The following AOPEP variants were observed in gnomAD, a reference collection of about 807,000 sequenced individuals.
AOPEP encodes the protein aminopeptidase O (putative).
A neutral mutation model predicts 98.1 loss-of-function variants in AOPEP; 77 were observed. The ratio of observed to expected loss-of-function variants is 0.78; its 90% confidence interval spans 0.65 to 0.95. The LOEUF is 0.95. AOPEP is among the 40% of genes least tolerant of loss of function. The pLI is 0.00. For missense variants in AOPEP, 1,024 were observed against 1,024.7 expected (o/e 1.00, Z 0.01); for synonymous variants, 346 against 365.3 (o/e 0.95, Z 0.60).
chr9:94,878,698 C>T (rs2047246330), intron 5 of AOPEP, among the ~76,000 whole-genome samples: 1 of 152,098 alleles, frequency 6.6e-6, no homozygotes, highest in Admixed American at 6.6e-5. Context: ...GATCTGATTG[C>T]CATTTAATGC....
chr9:94,935,313 C>T (rs1035822595), intron 7 of AOPEP: 1 of 152,314 alleles, frequency 6.6e-6, no homozygotes, highest in African/African-American at 2.4e-5. Flanking sequence ...CCTGTACAAC[C>T]TGCAGAACCG....
chr9:95,019,904 C>T (rs920353810), intron 13 of AOPEP: 1 of 152,160 alleles, frequency 6.6e-6, no homozygotes, highest in Non-Finnish European at 1.5e-5. Flanking sequence ...GTTATGAAAG[C>T]TACTAGAGGT....
intron 11 of AOPEP, among the ~76,000 whole-genome samples, chr9:94,983,395 T>TA (rs1297352705): frequency 6.6e-6 from 1 of 152,178 alleles, no homozygotes; most frequent in Non-Finnish European, 1.5e-5. Context: ...TGTACACACT[T>TA]ACCAAATGTC....
At chr9:94,826,770 A>AT (rs1423711010) in intron 5 of AOPEP, among the ~76,000 whole-genome samples, 8 of 152,038 alleles carry the variant, frequency 5.3e-5, no homozygotes, top group African/African-American at 1.9e-4. Context: ...GATGGAGCTG[A>AT]TGATATTAGT....
At chr9:94,925,957 T>G (rs1352678969) in intron 6 of AOPEP, among the ~76,000 whole-genome samples, 1 of 152,246 alleles carries the variant, frequency 6.6e-6, no homozygotes, top group Non-Finnish European at 1.5e-5. Context: ...AAGAAATACC[T>G]GTTCCCTTCC....
chr9:94,727,090 C>G (rs1263849886), intron 1 of AOPEP, among the ~76,000 whole-genome samples: 3 of 152,230 alleles, frequency 2.0e-5, no homozygotes, highest in Non-Finnish European at 2.9e-5. Flanking sequence ...ACCTGCCGGT[C>G]TCGGCTTCTA....
intron 13 of AOPEP, among the ~76,000 whole-genome samples, chr9:95,027,365 T>C (rs1205085903): frequency 6.6e-6 from 1 of 152,258 alleles, no homozygotes; most frequent in Non-Finnish European, 1.5e-5. Context: ...CAGTCATGCA[T>C]GCAACAGTTA....
At chr9:94,948,635 C>T (rs982450279) in intron 7 of AOPEP, among the ~76,000 whole-genome samples, 7 of 152,146 alleles carry the variant, frequency 4.6e-5, no homozygotes, top group African/African-American at 1.7e-4. Context: ...AGAGCTATAG[C>T]CTGTCCCTCA....
chr9:94,801,936 T>C (rs1379819334), intron 5 of AOPEP, among the ~76,000 whole-genome samples: 1 of 152,184 alleles, frequency 6.6e-6, no homozygotes, highest in African/African-American at 2.4e-5. Context: ...AGTAAAACCA[T>C]GAGCAGAAAA....
the AOPEP span, among the ~76,000 whole-genome samples, chr9:95,098,684 C>G: frequency 6.6e-6 from 1 of 152,172 alleles, no homozygotes; most frequent in Admixed American, 6.5e-5. Flanking sequence ...AGCAACGGAG[C>G]GAGCAAGAGT....
intron 3 of AOPEP, among the ~76,000 whole-genome samples, chr9:94,777,419 G>A (rs1291448708): frequency 2.9e-4 from 42 of 147,292 alleles, no homozygotes; most frequent in Admixed American, 1.0e-3. Flanking sequence ...GCGACAGAGC[G>A]AGACTCCATC....
intron 5 of AOPEP, among the ~76,000 whole-genome samples, chr9:94,808,921 AT>A (rs1223596147): frequency 6.6e-6 from 1 of 152,190 alleles, no homozygotes; most frequent in Non-Finnish European, 1.5e-5. Flanking sequence ...GGACCTAAGG[AT>A]GGTGCTTTTC....
At chr9:94,856,758 C>T (rs774693470) in intron 5 of AOPEP, among the ~76,000 whole-genome samples, 1 of 151,782 alleles carries the variant, frequency 6.6e-6, no homozygotes, top group Non-Finnish European at 1.5e-5. Context: ...AGGATAGATT[C>T]ATAGTGCTTA....
At chr9:95,011,118 G>A (rs573146792) in intron 13 of AOPEP, among the ~76,000 whole-genome samples, 35 of 151,890 alleles carry the variant, frequency 2.3e-4, no homozygotes, top group African/African-American at 8.2e-4. Flanking sequence ...ATTTTTGGTA[G>A]CCTCAGGAAG....
At chr9:95,075,484 A>G (rs991411748) in intron 14 of AOPEP, among the ~76,000 whole-genome samples, 2 of 152,198 alleles carry the variant, frequency 1.3e-5, no homozygotes, top group Non-Finnish European at 2.9e-5. Context: ...TTTTCCTAGT[A>G]CTCAAAAACA....
intron 11 of AOPEP, among the ~76,000 whole-genome samples, chr9:94,981,131 C>G (rs374012159): frequency 6.6e-6 from 1 of 152,216 alleles, no homozygotes; most frequent in Non-Finnish European, 1.5e-5. Context: ...GCGCACTCCA[C>G]TTAGGCTGTG....
At chr9:95,050,445 A>G (rs930514748) in intron 13 of AOPEP, among the ~76,000 whole-genome samples, 1 of 152,218 alleles carries the variant, frequency 6.6e-6, no homozygotes, top group African/African-American at 2.4e-5. Context: ...ACGAGAATCC[A>G]AAACTGCAGA....
intron 14 of AOPEP, among the ~76,000 whole-genome samples, chr9:95,061,243 A>T (rs1276357323): frequency 1.3e-5 from 2 of 152,248 alleles, no homozygotes; most frequent in African/African-American, 4.8e-5. Flanking sequence ...CTGTAGTTGG[A>T]AAAGGCAATT....
intron 5 of AOPEP, among the ~76,000 whole-genome samples, chr9:94,855,464 G>A (rs1029884491): frequency 3.3e-5 from 5 of 152,100 alleles, no homozygotes; most frequent in Non-Finnish European, 7.4e-5. Context: ...TGAGGCGGGC[G>A]GATCACCTGA....
Sources: gnomAD v4.1 joint callset for allele counts (sites outside exome capture counted in the v4.1 genomes callset) on GRCh38, gnomAD v4.1.1 for gene constraint, MANE v1.5 for transcripts, NCBI Gene and HGNC (gene_info 2026-07-23, HGNC 2026-07-21) for gene names.